MAGI1: variants seen among roughly 807,000 people sequenced by gnomAD.
MAGI1 encodes the protein membrane associated guanylate kinase, WW and PDZ domain containing 1.
A neutral mutation model predicts 139.9 loss-of-function variants in MAGI1; 58 were observed. The observed-to-expected ratio is 0.41, with a 90% CI of 0.34 to 0.52. MAGI1 has a LOEUF of 0.52. MAGI1 is among the 20% of genes least tolerant of loss of function. MAGI1 has a pLI of 0.12. For synonymous variants in MAGI1, 812 were observed against 737.9 expected, an observed-to-expected ratio of 1.10 and a Z score of -1.63; for missense variants, 1,874 against 1,901.6, an observed-to-expected ratio of 0.99 and a Z score of 0.27.
chr3:65,993,187 G>C (rs1043269725), intron 1 of MAGI1, among the ~76,000 whole-genome samples: 2 of 152,220 alleles, frequency 1.3e-5, no homozygotes, highest in Non-Finnish European at 2.9e-5. Context: ...ATTTAACTGA[G>C]AGCCATCACA....
intron 1 of MAGI1, among the ~76,000 whole-genome samples, chr3:66,019,245 C>T (rs1038641018): frequency 6.6e-6 from 1 of 152,144 alleles, no homozygotes; most frequent in Admixed American, 6.5e-5. Context: ...AACTAGAAGG[C>T]AGGGTTTCCC....
chr3:65,658,906 A>G (rs2086035313), intron 1 of MAGI1, among the ~76,000 whole-genome samples: 1 of 152,246 alleles, frequency 6.6e-6, no homozygotes, highest in Non-Finnish European at 1.5e-5. Context: ...AATAATGCAC[A>G]ATAAATACTA....
At chr3:65,383,374 G>A (rs1434452193) in intron 15 of MAGI1, among the ~76,000 whole-genome samples, 158 bp downstream of exon 15, 2 of 152,170 alleles carry the variant, frequency 1.3e-5, no homozygotes, top group Non-Finnish European at 1.5e-5. Context: ...AAGACAAAGA[G>A]AGCTCCACAA....
At chr3:65,662,292 G>A (rs1263584278) in intron 1 of MAGI1, among the ~76,000 whole-genome samples, 1 of 152,206 alleles carries the variant, frequency 6.6e-6, no homozygotes, top group African/African-American at 2.4e-5. Flanking sequence ...TGAGCAGCCT[G>A]GCCTGGGTTT....
intron 1 of MAGI1, among the ~76,000 whole-genome samples, chr3:65,961,075 C>T (rs1483451911): frequency 6.6e-6 from 1 of 152,144 alleles, no homozygotes; most frequent in Non-Finnish European, 1.5e-5. Context: ...ACATGAAATC[C>T]CGGAATAACC....
At chr3:65,767,739 T>C (rs814756) in intron 1 of MAGI1, among the ~76,000 whole-genome samples, 111,466 of 152,102 alleles carry the variant, frequency 0.73, 41,767 homozygotes, top group East Asian at 0.93. Flanking sequence ...CAAAACAAAA[T>C]GAAAGTGTCT....
intron 1 of MAGI1, among the ~76,000 whole-genome samples, chr3:65,690,475 TTTTC>T (rs1044047926): frequency 2.0e-5 from 3 of 152,028 alleles, no homozygotes; most frequent in Non-Finnish European, 2.9e-5. Flanking sequence ...TACAACTCTT[TTTTC>T]TTTCTTTTTT....
At chr3:65,511,030 C>T (rs1484347126) in intron 2 of MAGI1, among the ~76,000 whole-genome samples, 13 of 146,132 alleles carry the variant, frequency 8.9e-5, no homozygotes, top group Non-Finnish European at 1.7e-4. Flanking sequence ...ATTTTCAACC[C>T]AGAATTTCAT....
intron 2 of MAGI1, among the ~76,000 whole-genome samples, chr3:65,542,388 T>C (rs998496688): frequency 3.3e-5 from 5 of 152,162 alleles, no homozygotes; most frequent in Non-Finnish European, 5.9e-5. Context: ...CAAGCTACCA[T>C]TGACTTTCTT....
In MAGI1 at chr3:65,832,097, A is replaced by G. The variant is rs550178933; in HGVS notation, c.313+205899T>C. ...ATGTTTCCAACCAGCCCTCTTTTTC[A>G]GAGCACCTTTCTCTTGACTGCCCAA... On this transcript the variant is annotated intron_variant, in intron 1 of 22. Transcript: ENST00000402939. 1.1e-3 allele frequency among the ~76,000 whole-genome samples: 174 copies of G among 152,284 alleles called. 3 individuals carry two copies. Among genetic ancestry groups the G allele is most frequent in the Middle Eastern group, 3.4e-3 (1 of 294 alleles).
At chr3:65,367,762 T>G (rs1224746656) in intron 18 of MAGI1, among the ~76,000 whole-genome samples, 1 of 152,176 alleles carries the variant, frequency 6.6e-6, no homozygotes, top group Non-Finnish European at 1.5e-5. Flanking sequence ...AACTTTTAGT[T>G]TTTGGTTTAC....
intron 4 of MAGI1, among the ~76,000 whole-genome samples, chr3:65,473,644 A>AC (rs1950693255): frequency 1.3e-5 from 2 of 151,102 alleles, no homozygotes; most frequent in East Asian, 3.9e-4. Context: ...GTTTACAAAA[A>AC]AAAAAAAAAA....
intron 1 of MAGI1, among the ~76,000 whole-genome samples, chr3:65,679,353 T>C (rs1439042462): frequency 1.3e-5 from 2 of 152,110 alleles, no homozygotes; most frequent in Non-Finnish European, 2.9e-5. Context: ...TTCCTAAGGA[T>C]TCTTTGATAA....
chr3:65,546,671 T>A (rs2079522808), intron 2 of MAGI1, among the ~76,000 whole-genome samples: 2 of 152,242 alleles, frequency 1.3e-5, no homozygotes, highest in African/African-American at 2.4e-5. Context: ...TTTAGCAAAT[T>A]ACCTTACAGT....
rs967384703 is a variant in MAGI1, at chr3:65,354,864, G to T, written c.*1514C>A. On this transcript the variant is annotated 3_prime_UTR_variant, in exon 23 of 23. Transcript: ENST00000402939. ...AATTACAATTTTTAGCTCTGTACAC[G>T]CAATGATTGGCTGGTTTTCTTTTTT... 6.7e-6 allele frequency: 1 copy of T among 150,136 alleles called. No individual in the cohort carries two copies. The highest frequency in any genetic ancestry group is 2.5e-5 in the African/African-American group (1 of 40,718). 9.3% of individuals were successfully genotyped at this position (150,136 alleles called of 1,614,324 possible). A position where few individuals can be genotyped will look rare whatever the true frequency, so the allele number is the denominator to read the frequency against.
intron 2 of MAGI1, among the ~76,000 whole-genome samples, chr3:65,510,034 G>T (rs1372459887): frequency 6.6e-6 from 1 of 152,014 alleles, no homozygotes; most frequent in African/African-American, 2.4e-5. Context: ...GCAGCCCCCA[G>T]CAGGGGCACA....
intron 1 of MAGI1, among the ~76,000 whole-genome samples, chr3:65,777,040 G>A (rs1268330503): frequency 2.0e-5 from 3 of 152,174 alleles, no homozygotes; most frequent in African/African-American, 7.2e-5. Context: ...CATAGCAGAT[G>A]CCCAACCAAG....
At chr3:65,768,121 A>T (rs977122702) in intron 1 of MAGI1, among the ~76,000 whole-genome samples, 2 of 152,192 alleles carry the variant, frequency 1.3e-5, no homozygotes, top group Admixed American at 6.5e-5. Flanking sequence ...CAAGTTGCTT[A>T]AAAAATTACT....
intron 1 of MAGI1, among the ~76,000 whole-genome samples, chr3:65,784,235 G>A (rs941156698): frequency 2.0e-4 from 30 of 152,298 alleles, no homozygotes; most frequent in African/African-American, 6.7e-4. Context: ...CAGTCTGGGA[G>A]TTCTTCAAAA....
Sources: allele counts gnomAD v4.1 joint callset (sites outside exome capture counted in the v4.1 genomes callset), GRCh38; gene constraint gnomAD v4.1.1; transcripts MANE v1.5; gene names NCBI Gene and HGNC (gene_info 2026-07-23, HGNC 2026-07-21).